Variants in SCHIP1 observed in about 807,000 individuals in gnomAD.
SCHIP1 encodes schwannomin-interacting protein 1.
A neutral mutation model predicts 29.7 loss-of-function variants in SCHIP1; 8 were observed. That is an observed-to-expected ratio of 0.27 (90% confidence interval 0.16 to 0.49). The LOEUF (loss-of-function observed/expected upper bound fraction) is 0.49, where lower values mean the gene tolerates loss of function less well. SCHIP1 is among the 20% of genes least tolerant of loss of function. SCHIP1 has a pLI of 0.99. For synonymous variants in SCHIP1, 76 were observed against 94.9 expected (o/e 0.80, Z 1.16); for missense variants, 193 against 294.6 (o/e 0.66, Z 2.52).
At chr3:159,622,089 C>A in the SCHIP1 span, among the ~76,000 whole-genome samples, 8 of 152,212 alleles carry the variant, frequency 5.3e-5, no homozygotes, top group Non-Finnish European at 1.0e-4. Context: ...GTAAATAGTT[C>A]CAGAGATTCA....
the SCHIP1 span, among the ~76,000 whole-genome samples, chr3:159,809,677 A>AG: frequency 6.7e-6 from 1 of 150,112 alleles, no homozygotes; most frequent in Non-Finnish European, 1.5e-5. Context: ...AAAAAAAAAA[A>AG]GAAGCTAATT....
At chr3:159,292,014 G>C in the SCHIP1 span, among the ~76,000 whole-genome samples, 2 of 152,104 alleles carry the variant, frequency 1.3e-5, no homozygotes, top group African/African-American at 4.8e-5. Context: ...ATTAGAAAAA[G>C]TTTAGTATTA....
At chr3:159,404,478 A>G in the SCHIP1 span, among the ~76,000 whole-genome samples, 1 of 152,146 alleles carries the variant, frequency 6.6e-6, no homozygotes, top group African/African-American at 2.4e-5. Context: ...ACCTTGAATG[A>G]ACTTCAGTAG....
intron 2 of SCHIP1, among the ~76,000 whole-genome samples, chr3:159,867,082 C>G (rs1478532880): frequency 6.6e-6 from 1 of 151,998 alleles, no homozygotes; most frequent in Non-Finnish European, 1.5e-5. Context: ...TATAGACAGT[C>G]TGAAAAATTA....
the SCHIP1 span, among the ~76,000 whole-genome samples, chr3:159,612,983 A>G: frequency 6.6e-6 from 1 of 152,324 alleles, no homozygotes; most frequent in African/African-American, 2.4e-5. Context: ...TTTAAAACTA[A>G]CTTCCAAGTC....
the SCHIP1 span, among the ~76,000 whole-genome samples, chr3:159,598,809 A>T: frequency 6.6e-6 from 1 of 152,220 alleles, no homozygotes; most frequent in East Asian, 1.9e-4. Flanking sequence ...CAGCACTGCC[A>T]TGTAGTGAAA....
the SCHIP1 span, among the ~76,000 whole-genome samples, chr3:159,288,702 TG>T: frequency 6.6e-6 from 1 of 152,190 alleles, no homozygotes; most frequent in African/African-American, 2.4e-5. Context: ...TGCGCCAGCC[TG>T]GGCAACAAGA....
chr3:159,716,464 TAA>T, the SCHIP1 span, among the ~76,000 whole-genome samples: 4 of 152,168 alleles, frequency 2.6e-5, no homozygotes, highest in African/African-American at 7.2e-5. Flanking sequence ...GCAAATTGGA[TAA>T]AGAGTCAAGA....
the SCHIP1 span, among the ~76,000 whole-genome samples, chr3:159,390,182 A>ATATT: frequency 6.6e-6 from 1 of 152,112 alleles, no homozygotes; most frequent in African/African-American, 2.4e-5. Flanking sequence ...TGATTGTTTT[A>ATATT]TATTTGCATG....
chr3:159,696,460 C>T, the SCHIP1 span, among the ~76,000 whole-genome samples: 1 of 152,298 alleles, frequency 6.6e-6, no homozygotes, highest in South Asian at 2.1e-4. Context: ...TCCTTGAACC[C>T]CACCTCCAAC....
the SCHIP1 span, among the ~76,000 whole-genome samples, chr3:159,407,079 T>C: frequency 2.0e-5 from 3 of 152,066 alleles, no homozygotes; most frequent in Admixed American, 2.0e-4. Flanking sequence ...AACTCTCCAA[T>C]GAAAAGACAC....
the SCHIP1 span, chr3:159,273,926 A>G: frequency 4.0e-3 from 6,445 of 1,606,908 alleles, 20 homozygotes; most frequent in Non-Finnish European, 4.9e-3. Context: ...GGTGTATCAT[A>G]TTTTTACAAA....
intron 1 of SCHIP1, among the ~76,000 whole-genome samples, chr3:159,854,567 T>A: frequency 6.6e-6 from 1 of 152,160 alleles, no homozygotes; most frequent in East Asian, 1.9e-4. Context: ...AGCACCAAGG[T>A]GATAGTTCGC....
the SCHIP1 span, among the ~76,000 whole-genome samples, chr3:159,348,682 C>G: frequency 6.6e-6 from 1 of 152,118 alleles, no homozygotes; most frequent in Non-Finnish European, 1.5e-5. Flanking sequence ...CTGGCAGCAT[C>G]TTCCTACACT....
intron 2 of SCHIP1, among the ~76,000 whole-genome samples, chr3:159,883,106 G>A (rs1241325971): frequency 6.6e-6 from 1 of 152,218 alleles, no homozygotes; most frequent in Non-Finnish European, 1.5e-5. Flanking sequence ...GGATAACCAA[G>A]ACAGACCTTT....
chr3:159,429,290 C>T, the SCHIP1 span, among the ~76,000 whole-genome samples: 2 of 151,086 alleles, frequency 1.3e-5, no homozygotes, highest in African/African-American at 2.4e-5. Context: ...TTGAAGATTT[C>T]ATAAGAGACT....
At chr3:159,424,183 G>A in the SCHIP1 span, among the ~76,000 whole-genome samples, 1 of 152,148 alleles carries the variant, frequency 6.6e-6, no homozygotes, top group African/African-American at 2.4e-5. Flanking sequence ...ATGGAACAAA[G>A]CTGGACGGAG....
At chr3:159,572,045 C>T in the SCHIP1 span, among the ~76,000 whole-genome samples, 1 of 152,120 alleles carries the variant, frequency 6.6e-6, no homozygotes, top group Non-Finnish European at 1.5e-5. Flanking sequence ...TGCTAGCAGT[C>T]TGTCAATTTT....
At chr3:159,588,647 T>G in the SCHIP1 span, among the ~76,000 whole-genome samples, 1 of 152,202 alleles carries the variant, frequency 6.6e-6, no homozygotes, top group East Asian at 1.9e-4. Context: ...TTGTATAAGG[T>G]GTAAGGAAGA....
Sources: gnomAD v4.1 joint callset for allele counts (sites outside exome capture counted in the v4.1 genomes callset) on GRCh38, gnomAD v4.1.1 for gene constraint, MANE v1.5 for transcripts, NCBI Gene and HGNC (gene_info 2026-07-23, HGNC 2026-07-21) for gene names.